Variants in TMEM39A observed in about 807,000 individuals in gnomAD.
The protein encoded by TMEM39A is transmembrane protein 39A, also known as suppressor of SQST-1 aggregates in rpl-43 mutants.
Under a neutral mutation model 51.9 loss-of-function variants are expected in TMEM39A, and 19 were observed. The ratio of observed to expected loss-of-function variants is 0.37; its 90% CI spans 0.26 to 0.54. The LOEUF (loss-of-function observed/expected upper bound fraction) is 0.54, where lower values mean the gene tolerates loss of function less well. Among genes scored for constraint, TMEM39A ranks in the 20% least tolerant of loss-of-function variants. The pLI is 0.88. For missense variants in TMEM39A, 433 were observed against 590.5 expected, an observed-to-expected ratio of 0.73 and a Z score of 2.76; for synonymous variants, 197 against 220.2, an observed-to-expected ratio of 0.89 and a Z score of 0.93.
chr3:119,436,947 C>G lies in TMEM39A; in HGVS notation c.956G>C (p.Cys319Ser), dbSNP rs1358119754. The G allele has an allele frequency of 6.2e-7, 1 of 1,613,818 alleles. No homozygotes were observed. Among genetic ancestry groups the G allele is most frequent in the Non-Finnish European group, 8.5e-7 (1 of 1,179,784 alleles). ...GATCCACACCATAATGAGGTGCTCACATGACCAGCGCATGTCATAGTACTG... is the reference window on the plus strand; with the variant it reads ...GATCCACACCATAATGAGGTGCTCAGATGACCAGCGCATGTCATAGTACTG... ...STQYYDMRWSCEHLIMVWINA... is the reference protein window; with the variant it reads ...STQYYDMRWSSEHLIMVWINA... The change falls in exon 7 of 9, where the codon TGT becomes TCT. Residue 319 changes from cysteine (C) to serine (S), a missense_variant. Around this residue, in one of 3 missense-constraint regions of TMEM39A, gnomAD observed 223 missense variants for 328.1 expected, o/e 0.68. Coordinates refer to ENST00000319172, the MANE Select transcript of TMEM39A (RefSeq NM_018266.3).
Position 119,431,936 on chromosome 3 carries a change from T to C in TMEM39A, c.*45A>G, listed in dbSNP as rs773572104. ...AATCACAAGAAAAAAATAGAACGTATGAAAATATTTTTATCTGAGTTCTCC... is the reference window on the plus strand; with the variant it reads ...AATCACAAGAAAAAAATAGAACGTACGAAAATATTTTTATCTGAGTTCTCC... On this transcript the variant is annotated 3_prime_UTR_variant, in exon 9 of 9. Coordinates refer to ENST00000319172, the MANE Select transcript of TMEM39A (RefSeq NM_018266.3). 2 of 1,285,238 alleles carry C rather than the reference T, an allele frequency of 1.6e-6. No individual in the cohort carries two copies. The highest frequency in any genetic ancestry group is 1.6e-5 in the South Asian group (1 of 61,572). 79.6% of individuals were successfully genotyped at this position (1,285,238 alleles called of 1,614,324 possible).
intron 2 of TMEM39A, among the ~76,000 whole-genome samples, chr3:119,460,431 GTTC>G (rs746139593): frequency 6.6e-6 from 1 of 152,100 alleles, no homozygotes; most frequent in Non-Finnish European, 1.5e-5. Flanking sequence ...TTGGCTTTCA[GTTC>G]TTTTTAATAG....
intron 2 of TMEM39A, among the ~76,000 whole-genome samples, chr3:119,461,727 T>C (rs1577068883): frequency 6.6e-6 from 1 of 152,212 alleles, no homozygotes; most frequent in African/African-American, 2.4e-5. Flanking sequence ...AACAAGAATT[T>C]AGATGATCAG....
chr3:119,439,898 G>T (rs1417774865), intron 5 of TMEM39A, among the ~76,000 whole-genome samples: 1 of 151,984 alleles, frequency 6.6e-6, no homozygotes, highest in East Asian at 1.9e-4. Flanking sequence ...CTCCTAAGTA[G>T]CTAGGACTAC....
chr3:119,442,169 C>T (rs1452435298), intron 5 of TMEM39A, among the ~76,000 whole-genome samples: 3 of 151,994 alleles, frequency 2.0e-5, no homozygotes, highest in Non-Finnish European at 4.4e-5. Flanking sequence ...AGCGAAACCC[C>T]GACTCTACTA....
At chr3:119,432,272 A>G (rs1198700255) in intron 8 of TMEM39A, 58 bp from the exon 9 acceptor site, 3 of 1,202,828 alleles carry the variant, frequency 2.5e-6, no homozygotes, top group Non-Finnish European at 3.5e-6. Context: ...GGCTACAGTT[A>G]TTCTTGCATT....
At position 119,437,893 on chromosome 3, in the gene TMEM39A, A is replaced by G; in HGVS notation, c.786T>C (p.Ser262=). ...GAATGAGGTCTGGAGATAGGGGACAACTGTGGGTGGGGATGGGTGTGGCAT... is the reference window on the plus strand; with the variant it reads ...GAATGAGGTCTGGAGATAGGGGACAGCTGTGGGTGGGGATGGGTGTGGCAT... ...FNNATPIPTH[S]CPLSPDLIRN... is the part of the protein sequence containing the mutation. Residue 262 remains serine, a synonymous_variant, in exon 6 of 9, where the codon AGT becomes AGC. Coordinates refer to ENST00000319172, the MANE Select transcript of TMEM39A (RefSeq NM_018266.3). The G allele has an allele frequency of 6.2e-7, 1 of 1,613,714 alleles. No individual in the cohort carries two copies.
rs577337864 is a variant in TMEM39A, at chr3:119,438,231, A to G, written c.576-128T>C. The G allele has an allele frequency of 3.8e-5, 23 of 606,964 alleles. No homozygotes were observed. In the Admixed American group the frequency reaches 5.1e-4, roughly 13 times the overall value. 37.6% of individuals were successfully genotyped at this position (606,964 alleles called of 1,614,324 possible). ...GACCCGCAGGAGTAAACATAACTCAAGAGGGACATTGCTGATAGTAAATTC... is the reference window on the plus strand; with the variant it reads ...GACCCGCAGGAGTAAACATAACTCAGGAGGGACATTGCTGATAGTAAATTC... On this transcript the variant is annotated intron_variant, in intron 5 of 8. Transcript: ENST00000319172.
intron 8 of TMEM39A, among the ~76,000 whole-genome samples, chr3:119,434,501 A>C (rs1473451556): frequency 6.6e-6 from 1 of 152,212 alleles, no homozygotes; most frequent in East Asian, 1.9e-4. Context: ...GCTTGTTTCA[A>C]GTAATACTAG....
chr3:119,451,924 T>C (rs1452529536), intron 4 of TMEM39A, among the ~76,000 whole-genome samples: 1 of 152,114 alleles, frequency 6.6e-6, no homozygotes, highest in Non-Finnish European at 1.5e-5. Context: ...TTTAATGTTC[T>C]AATTCTTTCT....
At chr3:119,438,630 C>T (rs2081008419) in intron 5 of TMEM39A, among the ~76,000 whole-genome samples, 1 of 152,054 alleles carries the variant, frequency 6.6e-6, no homozygotes, top group South Asian at 2.1e-4. Context: ...CCATAATTTA[C>T]CCATTTCTCT....
chr3:119,436,853 A>C lies in TMEM39A; in HGVS notation c.1050T>G (p.Ala350=), dbSNP rs779253892. The C allele has an allele frequency of 6.2e-7, 1 of 1,614,100 alleles. No homozygotes were observed. The highest frequency in any genetic ancestry group is 8.5e-7 in the Non-Finnish European group (1 of 1,179,960). Residue 350 remains alanine, a synonymous_variant, in exon 7 of 9, where the codon GCT becomes GCG. Coordinates refer to ENST00000319172, the MANE Select transcript of TMEM39A (RefSeq NM_018266.3). ...SKYCDLLHKS[A]AHLGKWQKLE... is the part of the protein sequence containing the mutation. Reference sequence around the variant, plus strand: ...ACTTCTGCCACTTGCCCAGGTGAGCAGCTGATTTATGTAGCAAATCACAGT... The same window carrying C: ...ACTTCTGCCACTTGCCCAGGTGAGCCGCTGATTTATGTAGCAAATCACAGT...
At chr3:119,436,539 C>T in intron 7 of TMEM39A, 1 of 353,462 alleles carries the variant, frequency 2.8e-6, no homozygotes, top group East Asian at 4.6e-5. Context: ...AAGTGCATTG[C>T]TTGGGAGACA....
intron 5 of TMEM39A, among the ~76,000 whole-genome samples, chr3:119,445,918 A>G (rs748218184): frequency 6.6e-6 from 1 of 152,208 alleles, no homozygotes; most frequent in Non-Finnish European, 1.5e-5. Flanking sequence ...CAGCACTTGA[A>G]TATGGCATAG....
In TMEM39A at chr3:119,438,057, C is replaced by T. The variant is rs765974259; in HGVS notation, c.622G>A (p.Ala208Thr). 1 of 1,599,868 alleles carries T rather than the reference C, an allele frequency of 6.3e-7. No individual in the cohort carries two copies. The highest frequency in any genetic ancestry group is 8.6e-7 in the Non-Finnish European group (1 of 1,167,990). ...PLCCFHQDSR[A>T]HLLLTDYNYV... ...TTGTAGTCTGTGAGAAGAAGATGTG[C>T]TCTACTATCTTGATGAAAACAGCAA... Residue 208 changes from alanine (A) to threonine (T), a missense_variant, in exon 6 of 9, where the codon GCA becomes ACA. Physicochemically the swap from Ala to Thr is moderately conservative, Grantham distance 58. Transcript: ENST00000319172.
Position 119,447,316 on chromosome 3 carries a change from A to G in TMEM39A, c.421-144T>C, listed in dbSNP as rs867888952. ...AATAAAAGAAAAACTGCCCCATCCC[A>G]CCTTATCTTCGTAATAATTGAAAAT... On this transcript the variant is annotated intron_variant, in intron 4 of 8. Transcript: ENST00000319172. 48 of 745,876 alleles carry G rather than the reference A, an allele frequency of 6.4e-5. 1 individual carries two copies. The Middle Eastern group carries it at 1.2e-3, about 19-fold the overall frequency. The allele number at this position is 745,876 out of a possible 1,614,324, so 46.2% of individuals were successfully genotyped here.
intron 4 of TMEM39A, among the ~76,000 whole-genome samples, chr3:119,448,879 T>C (rs2081162494): frequency 6.6e-6 from 1 of 152,244 alleles, no homozygotes; most frequent in South Asian, 2.1e-4. Flanking sequence ...CTGTGGTGTA[T>C]GTCACAGACC....
At chr3:119,433,989 A>C (rs1477347554) in intron 8 of TMEM39A, among the ~76,000 whole-genome samples, 3 of 152,226 alleles carry the variant, frequency 2.0e-5, no homozygotes. Flanking sequence ...AAAGAGATGC[A>C]AGTATCTTAA....
chr3:119,445,273 T>C (rs974687588), intron 5 of TMEM39A, among the ~76,000 whole-genome samples: 4 of 152,176 alleles, frequency 2.6e-5, no homozygotes, highest in Non-Finnish European at 2.9e-5. Flanking sequence ...TTTATTTATT[T>C]ATTTGAGACA....
Sources: allele counts gnomAD v4.1 joint callset (sites outside exome capture counted in the v4.1 genomes callset), GRCh38; gene constraint gnomAD v4.1.1; regional missense constraint gnomAD v4.1.1; transcripts MANE v1.5; gene names NCBI Gene and HGNC (gene_info 2026-07-23, HGNC 2026-07-21).